The following QKI variants were observed in gnomAD, a reference collection of about 807,000 sequenced individuals.
QKI encodes KH domain-containing RNA-binding protein QKI.
A neutral mutation model predicts 39.0 loss-of-function variants in QKI; 10 were observed. That is an observed-to-expected ratio of 0.26 (90% CI 0.16 to 0.43). The LOEUF (loss-of-function observed/expected upper bound fraction) is 0.43. Among genes scored for constraint, QKI ranks in the 20% least tolerant of loss-of-function variants. QKI has a pLI of 1.00. For missense variants in QKI, 218 were observed against 428.0 expected, an observed-to-expected ratio of 0.51 and a Z score of 4.33; for synonymous variants, 204 against 155.4, an observed-to-expected ratio of 1.31 and a Z score of -2.33.
At chr6:163,570,668 G>A in intron 7 of QKI, 26 bp from the exon 8 acceptor site, 1 of 1,576,070 alleles carries the variant, frequency 6.3e-7, no homozygotes, top group Non-Finnish European at 8.6e-7. Context: ...TTTTTGTTTT[G>A]TTTTTTTTTG....
At chr6:163,494,285 C>A (rs1778257189) in intron 3 of QKI, among the ~76,000 whole-genome samples, 1 of 152,182 alleles carries the variant, frequency 6.6e-6, no homozygotes. Flanking sequence ...GAGTTCTGTG[C>A]AAATACTGTA....
intron 4 of QKI, among the ~76,000 whole-genome samples, chr6:163,544,217 T>C (rs1009088680): frequency 3.3e-5 from 5 of 152,072 alleles, no homozygotes; most frequent in Non-Finnish European, 5.9e-5. Context: ...TGAATCCACA[T>C]GAATGAAGTG....
chr6:163,527,371 A>G (rs1309409362), intron 3 of QKI, among the ~76,000 whole-genome samples: 1 of 152,180 alleles, frequency 6.6e-6, no homozygotes, highest in Non-Finnish European at 1.5e-5. Context: ...CTTAAAATGT[A>G]TATATTCACA....
intron 7 of QKI, chr6:163,569,563 G>A: frequency 8.6e-7 from 1 of 1,167,112 alleles, no homozygotes; most frequent in African/African-American, 1.6e-5. Context: ...AGCAGAATGT[G>A]ACAAAGGTTG....
chr6:163,503,152 T>G (rs1020260457), intron 3 of QKI, among the ~76,000 whole-genome samples: 20 of 148,918 alleles, frequency 1.3e-4, no homozygotes, highest in African/African-American at 4.9e-4. Context: ...TTTTTTTTTT[T>G]TTTTTTTTGA....
At chr6:163,454,538 C>T (rs1790791046) in intron 1 of QKI, among the ~76,000 whole-genome samples, 2 of 152,204 alleles carry the variant, frequency 1.3e-5, no homozygotes, top group Non-Finnish European at 2.9e-5. Context: ...TTGTAGTATT[C>T]GATACTGTTG....
At chr6:163,415,791 C>T (rs1008859590) in intron 1 of QKI, 4 of 421,454 alleles carry the variant, frequency 9.5e-6, no homozygotes, top group Non-Finnish European at 1.9e-5. Flanking sequence ...GCCTGCTCTG[C>T]GCGGACCCCC....
At chr6:163,487,375 T>A (rs1021422022) in intron 3 of QKI, among the ~76,000 whole-genome samples, 7 of 152,194 alleles carry the variant, frequency 4.6e-5, no homozygotes, top group African/African-American at 1.7e-4. Flanking sequence ...GACATATAAT[T>A]TCAACTGTAA....
intron 6 of QKI, chr6:163,565,982 A>G (rs1313759851): frequency 6.8e-6 from 11 of 1,613,168 alleles, no homozygotes; most frequent in Non-Finnish European, 8.5e-6. Flanking sequence ...GAATTCAAGA[A>G]CGGTCTTAAC....
At chr6:163,524,621 AC>A (rs2128238536) in intron 3 of QKI, among the ~76,000 whole-genome samples, 1 of 129,214 alleles carries the variant, frequency 7.7e-6, no homozygotes, top group Non-Finnish European at 1.6e-5. Flanking sequence ...GACATGTGCC[AC>A]CATGCCCGGC....
chr6:163,450,726 G>C (rs769823465), intron 1 of QKI, among the ~76,000 whole-genome samples: 6 of 151,764 alleles, frequency 4.0e-5, no homozygotes. Flanking sequence ...AGTTTTCAGC[G>C]TAGTGAAATT....
chr6:163,417,200 A>C (rs927265213), intron 1 of QKI, among the ~76,000 whole-genome samples: 2 of 151,988 alleles, frequency 1.3e-5, no homozygotes, highest in South Asian at 4.1e-4. Flanking sequence ...TCTCCTTGGC[A>C]TATTTTGGTT....
chr6:163,542,285 T>C (rs903222227), intron 4 of QKI, among the ~76,000 whole-genome samples: 5 of 152,054 alleles, frequency 3.3e-5, no homozygotes, highest in African/African-American at 1.2e-4. Flanking sequence ...TGGAAAGTAA[T>C]ACATGATATT....
chr6:163,528,910 ATG>A (rs1780677444), intron 3 of QKI, among the ~76,000 whole-genome samples: 2 of 152,182 alleles, frequency 1.3e-5, no homozygotes, highest in Non-Finnish European at 1.5e-5. Flanking sequence ...TAGTATTTAT[ATG>A]TAATTTGCCT....
chr6:163,530,033 A>G (rs540413760), intron 3 of QKI, among the ~76,000 whole-genome samples: 20 of 152,194 alleles, frequency 1.3e-4, no homozygotes, highest in Non-Finnish European at 2.6e-4. Context: ...TTGGGATTAT[A>G]TTGATGCAAA....
At chr6:163,492,354 C>G (rs189439715) in intron 3 of QKI, among the ~76,000 whole-genome samples, 2 of 152,202 alleles carry the variant, frequency 1.3e-5, no homozygotes, top group Admixed American at 1.3e-4. Flanking sequence ...ATTGTTAACT[C>G]TCGATTTTAA....
intron 2 of QKI, among the ~76,000 whole-genome samples, chr6:163,472,893 G>A (rs1792308712): frequency 6.6e-6 from 1 of 151,154 alleles, no homozygotes; most frequent in Non-Finnish European, 1.5e-5. Context: ...TAGAAAAGAA[G>A]GAATACAATA....
At chr6:163,541,810 T>G (rs142172846) in intron 4 of QKI, among the ~76,000 whole-genome samples, 2 of 152,010 alleles carry the variant, frequency 1.3e-5, no homozygotes, top group Non-Finnish European at 2.9e-5. Flanking sequence ...TACCAGTTAT[T>G]TCATGCAGCA....
At chr6:163,535,210 TA>T in intron 4 of QKI, 85 bp downstream of exon 4, 3 of 1,328,320 alleles carry the variant, frequency 2.3e-6, no homozygotes, top group Non-Finnish European at 3.0e-6. Flanking sequence ...TTATAAGGAA[TA>T]GGTTATTGGT....
Sources: allele counts gnomAD v4.1 joint callset (sites outside exome capture counted in the v4.1 genomes callset), GRCh38; gene constraint gnomAD v4.1.1; transcripts MANE v1.5; gene names NCBI Gene and HGNC (gene_info 2026-07-23, HGNC 2026-07-21).